Variants in DUS2 observed in about 807,000 individuals in gnomAD.
DUS2 encodes the protein tRNA-dihydrouridine(20) synthase [NAD(P)+]-like.
Under a neutral mutation model 71.3 loss-of-function variants are expected in DUS2, and 52 were observed. The observed-to-expected ratio is 0.73, with a 90% CI of 0.58 to 0.92. The LOEUF (loss-of-function observed/expected upper bound fraction) is 0.92, where lower values mean the gene tolerates loss of function less well. Ranked by LOEUF, DUS2 falls within the 40% of genes least tolerant of loss-of-function variation. The pLI is 0.00. For synonymous variants in DUS2, 204 were observed against 227.8 expected (o/e 0.90, Z 0.94); for missense variants, 558 against 622.6 (o/e 0.90, Z 1.10).
At chr16:68,053,798 T>C (rs2033812952) in intron 5 of DUS2, 143 bp downstream of exon 5, 1 of 769,786 alleles carries the variant, frequency 1.3e-6, no homozygotes, top group Non-Finnish European at 2.1e-6. Flanking sequence ...TTTAATGTTT[T>C]CCAAAGAGCC....
intron 10 of DUS2, among the ~76,000 whole-genome samples, chr16:68,068,358 C>G (rs2034038077): frequency 6.6e-6 from 1 of 152,194 alleles, no homozygotes; most frequent in African/African-American, 2.4e-5. Flanking sequence ...CACATATGCG[C>G]CTTCCCAAGG....
chr16:68,069,060 A>G (rs529258165), intron 10 of DUS2, among the ~76,000 whole-genome samples: 65 of 152,216 alleles, frequency 4.3e-4, no homozygotes, highest in African/African-American at 1.5e-3. Context: ...GGTAGAGGCT[A>G]GGTTGACAGG....
chr16:68,056,507 C>T, intron 7 of DUS2, 83 bp downstream of exon 7: 4 of 1,134,650 alleles, frequency 3.5e-6, no homozygotes, highest in Non-Finnish European at 5.3e-6. Flanking sequence ...TAGTACCTAA[C>T]TCTGGACTGG....
chr16:68,069,323 G>A (rs1244072338), intron 10 of DUS2, among the ~76,000 whole-genome samples: 1 of 152,184 alleles, frequency 6.6e-6, no homozygotes, highest in Non-Finnish European at 1.5e-5. Context: ...AGGAGGTGGA[G>A]GTTGCAGTGA....
intron 3 of DUS2, among the ~76,000 whole-genome samples, chr16:68,046,859 G>T (rs931542261): frequency 2.0e-5 from 3 of 151,098 alleles, no homozygotes; most frequent in Non-Finnish European, 4.4e-5. Flanking sequence ...CCATTCTCCT[G>T]CCTCAGCCTC....
chr16:68,043,368 T>G (rs756322325), intron 3 of DUS2, among the ~76,000 whole-genome samples: 3 of 151,368 alleles, frequency 2.0e-5, no homozygotes, highest in Non-Finnish European at 2.9e-5. Flanking sequence ...ATCACGCCAT[T>G]GCACTCCAGC....
intron 6 of DUS2, among the ~76,000 whole-genome samples, chr16:68,055,331 G>A (rs1302887389): frequency 1.3e-5 from 2 of 152,086 alleles, no homozygotes; most frequent in African/African-American, 4.8e-5. Flanking sequence ...GTGCATGCCA[G>A]TGGTCCCAAC....
chr16:68,054,367 A>AGAT (rs2033820682), intron 5 of DUS2, among the ~76,000 whole-genome samples: 1 of 152,242 alleles, frequency 6.6e-6, no homozygotes, highest in Non-Finnish European at 1.5e-5. Flanking sequence ...ATCATAGTAT[A>AGAT]GATAACATTT....
intron 7 of DUS2, 72 bp downstream of exon 7, chr16:68,056,496 A>G: frequency 6.4e-6 from 8 of 1,256,034 alleles, no homozygotes; most frequent in Non-Finnish European, 9.3e-6. Context: ...ATAACTAAGT[A>G]TAGTACCTAA....
intron 7 of DUS2, among the ~76,000 whole-genome samples, chr16:68,058,048 G>C (rs894781143): frequency 2.6e-5 from 4 of 152,060 alleles, no homozygotes; most frequent in African/African-American, 9.7e-5. Flanking sequence ...CCTGTAAGCA[G>C]AGGGTGTGGT....
At chr16:68,041,878 A>G (rs574862262) in intron 3 of DUS2, among the ~76,000 whole-genome samples, 3 of 152,130 alleles carry the variant, frequency 2.0e-5, no homozygotes, top group East Asian at 1.9e-4. Flanking sequence ...GTGACAAAAA[A>G]CATACAAGAT....
chr16:68,034,028 A>C (rs1482952921), intron 2 of DUS2, among the ~76,000 whole-genome samples: 3 of 151,536 alleles, frequency 2.0e-5, no homozygotes, highest in African/African-American at 7.3e-5. Context: ...TTGGCCTCCC[A>C]AAGTGTTGGG....
rs1373582846 is a variant in DUS2, at chr16:68,023,860, C to T, written c.-99+509C>T. 182 of 167,122 alleles carry T rather than the reference C, an allele frequency of 1.1e-3. 1 individual carries two copies. Among genetic ancestry groups the T allele is most frequent in the Non-Finnish European group, 1.5e-5 (1 of 68,110 alleles). The allele number at this position is 167,122 out of a possible 1,614,324, so 10.4% of individuals were successfully genotyped here. A position where few individuals can be genotyped will look rare whatever the true frequency, so the allele number is the denominator to read the frequency against. On this transcript the variant is annotated intron_variant, in intron 1 of 16. Coordinates refer to ENST00000565263, the MANE Select transcript of DUS2 (RefSeq NM_017803.5). ...CCTTCCTTTTAAGCCAAGGTTCACT[C>T]TCTACTCCCTCGTCACGCGTCCCAA... is the stretch of plus-strand genomic sequence containing the variant.
intron 2 of DUS2, among the ~76,000 whole-genome samples, chr16:68,036,462 A>G (rs1383135202): frequency 6.6e-6 from 1 of 150,750 alleles, no homozygotes; most frequent in Non-Finnish European, 1.5e-5. Context: ...CACTCGGCCC[A>G]GCTGGCTAAT....
chr16:68,075,699 C>A (rs1182109063), intron 14 of DUS2, among the ~76,000 whole-genome samples, 195 bp downstream of exon 14: 2 of 152,052 alleles, frequency 1.3e-5, no homozygotes, highest in Non-Finnish European at 2.9e-5. Context: ...AAAGGCTGTC[C>A]CAAGGATAAC....
In DUS2 at chr16:68,065,226, C is replaced by T. The variant is rs571012632; in HGVS notation, c.418-1091C>T. 5.3e-5 allele frequency among the ~76,000 whole-genome samples: 8 copies of T among 152,174 alleles called. No individual in the cohort carries two copies. The South Asian group carries it at 1.7e-3, about 32-fold the overall frequency. ...TTATCTTATGAGTATGTTGTCTTTT[C>T]CTTTGCCAGTTTCACTCATGTATGT... On this transcript the variant is annotated intron_variant, in intron 8 of 16. Transcript: ENST00000565263.
At chr16:68,054,678 A>T in intron 6 of DUS2, 61 bp downstream of exon 6, 4 of 1,594,666 alleles carry the variant, frequency 2.5e-6, no homozygotes, top group Non-Finnish European at 2.6e-6. Flanking sequence ...TGAGGGTTTA[A>T]TGTCCTGGTG....
At position 68,067,409 on chromosome 16, in the gene DUS2, G is replaced by T. The variant is rs2034026179; in HGVS notation, c.554+773G>T. On this transcript the variant is annotated intron_variant, in intron 10 of 16. Transcript: ENST00000565263. ...TGATTCTCCTGCCTCAGCCTCCCGA[G>T]TAGCTGAGATTACAGGTGCGCTCCA... is the stretch of plus-strand genomic sequence containing the variant. Among the ~76,000 whole-genome samples the T allele has an allele frequency of 4.1e-5, 6 of 145,216 alleles. No homozygotes were observed. The South Asian group carries it at 1.4e-3, about 33-fold the overall frequency.
At chr16:68,066,009 A>G (rs920599306) in intron 8 of DUS2, among the ~76,000 whole-genome samples, 2 of 152,198 alleles carry the variant, frequency 1.3e-5, no homozygotes, top group East Asian at 3.8e-4. Flanking sequence ...TTGTCCTGGC[A>G]AAGGCTCAGT....
Sources: allele counts gnomAD v4.1 joint callset (sites outside exome capture counted in the v4.1 genomes callset), GRCh38; gene constraint gnomAD v4.1.1; transcripts MANE v1.5; gene names NCBI Gene and HGNC (gene_info 2026-07-23, HGNC 2026-07-21).